Variants in MYRIP observed in about 807,000 individuals in gnomAD.
The protein encoded by MYRIP is myosin VIIA and Rab interacting protein.
In MYRIP, 49 loss-of-function variants were observed where a neutral mutation model predicts 98.0. The observed-to-expected ratio is 0.50, with a 90% CI of 0.40 to 0.63. The LOEUF (loss-of-function observed/expected upper bound fraction) is 0.63. Among genes scored for constraint, MYRIP ranks in the 30% least tolerant of loss-of-function variants. The pLI, the probability that MYRIP is intolerant of heterozygous loss-of-function variation, is 0.00. For missense variants in MYRIP, 1,004 were observed against 1,058.2 expected, an observed-to-expected ratio of 0.95 and a Z score of 0.71; for synonymous variants, 404 against 409.5, an observed-to-expected ratio of 0.99 and a Z score of 0.16.
At chr3:40,032,701 A>C (rs1400844831) in intron 2 of MYRIP, among the ~76,000 whole-genome samples, 4 of 152,104 alleles carry the variant, frequency 2.6e-5, no homozygotes, top group South Asian at 2.1e-4. Flanking sequence ...AAAAGAGGGA[A>C]TCCTCCCTAA....
chr3:39,862,999 A>C (rs1942516810), intron 1 of MYRIP, among the ~76,000 whole-genome samples: 2 of 152,206 alleles, frequency 1.3e-5, no homozygotes, highest in African/African-American at 4.8e-5. Context: ...AATATTGCTC[A>C]AAACCATGCT....
chr3:39,884,980 T>C (rs748693223), intron 1 of MYRIP, among the ~76,000 whole-genome samples: 1 of 131,674 alleles, frequency 7.6e-6, no homozygotes, highest in Non-Finnish European at 1.6e-5. Flanking sequence ...TTGCCCTCTA[T>C]AGAGGTGGTA....
chr3:39,900,849 T>C lies in MYRIP; in HGVS notation c.33T>C (p.Thr11=). ...GGAAGCTGGACCTGTCTGGTTTGACTGATGATGAAACAGAGCATGTTCTTC... is the reference window on the plus strand; with the variant it reads ...GGAAGCTGGACCTGTCTGGTTTGACCGATGATGAAACAGAGCATGTTCTTC... MGRKLDLSGL[T]DDETEHVLQV... is the part of the protein sequence containing the mutation. Residue 11 remains threonine, a synonymous_variant, in exon 2 of 17, where the codon ACT becomes ACC. Coordinates refer to ENST00000302541, the MANE Select transcript of MYRIP (RefSeq NM_015460.4). 6.2e-7 allele frequency: 1 copy of C among 1,614,002 alleles called. No homozygotes were observed. The highest frequency in any genetic ancestry group is 1.1e-5 in the South Asian group (1 of 91,080).
chr3:39,879,828 T>A (rs1423476613), intron 1 of MYRIP, among the ~76,000 whole-genome samples: 3 of 152,090 alleles, frequency 2.0e-5, no homozygotes, highest in African/African-American at 7.2e-5. Context: ...CAGACAAGGA[T>A]TTGAAGGAAA....
chr3:40,258,150 C>T lies in MYRIP; in HGVS notation c.2564C>T (p.Ser855Leu), dbSNP rs367783683. The change falls in exon 17 of 17, where the codon TCA (serine) becomes TTA (leucine). Residue 855 changes from serine (S) to leucine (L), a missense_variant. Ser to Leu is a moderately radical substitution (Grantham distance 145). Transcript: ENST00000302541. Reference sequence around the variant, plus strand: ...TCACCTCAGGAGCCTGCTCTGGAGTCAGCTGTGATGTACTGACACCATGGA... The same window carrying T: ...TCACCTCAGGAGCCTGCTCTGGAGTTAGCTGTGATGTACTGACACCATGGA... Reference protein sequence around the residue: ...TKDLMEPALESAVMY With the variant: ...TKDLMEPALELAVMY 1.2e-6 allele frequency: 2 copies of T among 1,613,746 alleles called. No homozygotes were observed. The highest frequency in any genetic ancestry group is 1.7e-6 in the Non-Finnish European group (2 of 1,179,748).
At chr3:39,942,016 G>A (rs1021050148) in intron 2 of MYRIP, among the ~76,000 whole-genome samples, 6 of 152,144 alleles carry the variant, frequency 3.9e-5, no homozygotes, top group Non-Finnish European at 5.9e-5. Context: ...TTGACAAAAT[G>A]TCATGGACAA....
At chr3:39,822,467 G>A (rs569142860) in intron 1 of MYRIP, among the ~76,000 whole-genome samples, 9 of 150,752 alleles carry the variant, frequency 6.0e-5, no homozygotes, top group South Asian at 2.1e-4. Context: ...TTTTTTTTGC[G>A]ATTTTTTTTT....
Position 40,166,896 on chromosome 3 carries a change from G to T in MYRIP, c.601G>T (p.Ala201Ser), listed in dbSNP as rs1483066792. ...TGTGGCCCTACGGGTGGCTGAAGAG[G>T]CCATTGAGGAAGCAATTTCCAAAGC... ...LAVALRVAEE[A>S]IEEAISKAEA... is the part of the protein sequence containing the mutation. Residue 201 changes from alanine to serine, a missense_variant, in exon 6 of 17, where the codon GCC (alanine) becomes TCC (serine). Transcript: ENST00000302541. 26 of 1,614,010 alleles carry T rather than the reference G, an allele frequency of 1.6e-5. No homozygotes were observed. The highest frequency in any genetic ancestry group is 2.0e-5 in the Non-Finnish European group (24 of 1,180,020).
chr3:39,829,518 C>T (rs1284229635), intron 1 of MYRIP, among the ~76,000 whole-genome samples: 1 of 152,078 alleles, frequency 6.6e-6, no homozygotes, highest in Non-Finnish European at 1.5e-5. Context: ...TTGTGAGTTT[C>T]TCAGTGTCCT....
intron 2 of MYRIP, among the ~76,000 whole-genome samples, chr3:39,942,970 A>C (rs1367771893): frequency 1.1e-4 from 16 of 152,156 alleles, no homozygotes; most frequent in Admixed American, 1.0e-3. Context: ...ACTTTTAAAA[A>C]ATTAAATGAG....
At chr3:39,875,810 A>G (rs1324631942) in intron 1 of MYRIP, among the ~76,000 whole-genome samples, 1 of 151,710 alleles carries the variant, frequency 6.6e-6, no homozygotes, top group Non-Finnish European at 1.5e-5. Context: ...AAAAAAATGT[A>G]TATTCTGTTG....
intron 2 of MYRIP, among the ~76,000 whole-genome samples, chr3:40,003,909 A>G (rs4629273): frequency 0.28 from 41,914 of 152,142 alleles, 6,453 homozygotes; most frequent in Non-Finnish European, 0.35. Flanking sequence ...TACACAGCAG[A>G]TTCAGCCTGA....
At chr3:39,983,061 TC>T (rs1487447468) in intron 2 of MYRIP, among the ~76,000 whole-genome samples, 2 of 152,240 alleles carry the variant, frequency 1.3e-5, no homozygotes, top group Non-Finnish European at 2.9e-5. Flanking sequence ...TCTTCGGAAA[TC>T]TTTTTGAAAT....
chr3:40,043,310 A>G (rs1221987849), intron 2 of MYRIP, among the ~76,000 whole-genome samples: 1 of 152,174 alleles, frequency 6.6e-6, no homozygotes, highest in African/African-American at 2.4e-5. Flanking sequence ...GTAGCAGGAA[A>G]AACAACTCAA....
intron 2 of MYRIP, among the ~76,000 whole-genome samples, chr3:39,971,064 C>G (rs1035180746): frequency 1.3e-5 from 2 of 152,004 alleles, no homozygotes; most frequent in Non-Finnish European, 2.9e-5. Context: ...TCAAAAAGAA[C>G]AGTAAATTTT....
At chr3:40,060,748 C>T (rs1322784974) in intron 3 of MYRIP, among the ~76,000 whole-genome samples, 2 of 151,966 alleles carry the variant, frequency 1.3e-5, no homozygotes, top group Non-Finnish European at 1.5e-5. Context: ...CCCACCACTA[C>T]ACCCAGCTAA....
At position 39,870,995 on chromosome 3, in the gene MYRIP, T is replaced by C. The variant is rs560397263; in HGVS notation, c.-30-29792T>C. ...ATGAAGTGTATATACTAGCTGAGGA[T>C]ATTATTCTGTCCAGTCCATTTTCCC... On this transcript the variant is annotated intron_variant, in intron 1 of 16. Transcript: ENST00000302541. 5.9e-5 allele frequency among the ~76,000 whole-genome samples: 9 copies of C among 152,334 alleles called. No homozygotes were observed. In the South Asian group the frequency reaches 1.4e-3, roughly 25 times the overall value.
At chr3:39,884,318 C>G (rs374716668) in intron 1 of MYRIP, among the ~76,000 whole-genome samples, 26 of 152,142 alleles carry the variant, frequency 1.7e-4, no homozygotes, top group African/African-American at 5.5e-4. Context: ...AGTTATAAAC[C>G]CAAGAAAGAA....
chr3:40,111,233 T>C (rs1348486015), intron 3 of MYRIP, among the ~76,000 whole-genome samples: 1 of 152,200 alleles, frequency 6.6e-6, no homozygotes, highest in Admixed American at 6.5e-5. Context: ...TTTAGCAGAA[T>C]GGCTGCCTAT....
Sources: allele counts gnomAD v4.1 joint callset (sites outside exome capture counted in the v4.1 genomes callset), GRCh38; gene constraint gnomAD v4.1.1; transcripts MANE v1.5; gene names NCBI Gene and HGNC (gene_info 2026-07-23, HGNC 2026-07-21).